NFIA: variants seen among roughly 807,000 people sequenced by gnomAD.
The protein encoded by NFIA is nuclear factor 1 A-type.
In NFIA, 8 loss-of-function variants were observed where a neutral mutation model predicts 62.8. That is an observed-to-expected ratio of 0.13 (90% CI 0.07 to 0.23). NFIA has a LOEUF of 0.23. NFIA is among the 10% of genes least tolerant of loss of function. The pLI, the probability that NFIA is intolerant of heterozygous loss-of-function variation, is 1.00. For synonymous variants in NFIA, 235 were observed against 238.1 expected (o/e 0.99, Z 0.12); for missense variants, 410 against 642.1 (o/e 0.64, Z 3.91).
rs573845676 is a variant in NFIA, at chr1:61,128,380, G to A, written c.559+39700G>A. 2.0e-5 allele frequency among the ~76,000 whole-genome samples: 3 copies of A among 152,242 alleles called. No individual in the cohort carries two copies. In the South Asian group the frequency reaches 6.2e-4, roughly 32 times the overall value. ...TAATCCCAGAACTTTGGGAGCCGAGGCGGGTGGATCACTTGAGCCCAGGAG... is the reference window on the plus strand; with the variant it reads ...TAATCCCAGAACTTTGGGAGCCGAGACGGGTGGATCACTTGAGCCCAGGAG... On this transcript the variant is annotated intron_variant, in intron 2 of 10. Coordinates refer to ENST00000403491, the MANE Select transcript of NFIA (RefSeq NM_001134673.4).
chr1:61,254,436 C>G (rs1290780348), intron 2 of NFIA, among the ~76,000 whole-genome samples: 1 of 152,142 alleles, frequency 6.6e-6, no homozygotes, highest in African/African-American at 2.4e-5. Context: ...TGACACAACT[C>G]TAGAAGCATG....
intron 2 of NFIA, among the ~76,000 whole-genome samples, chr1:61,273,081 G>A (rs1657610626): frequency 6.6e-6 from 1 of 152,154 alleles, no homozygotes; most frequent in Non-Finnish European, 1.5e-5. Context: ...GATGGACCAG[G>A]AATGACATCG....
chr1:61,257,736 C>T (rs1656503870), intron 2 of NFIA, among the ~76,000 whole-genome samples: 1 of 152,028 alleles, frequency 6.6e-6, no homozygotes, highest in Admixed American at 6.6e-5. Flanking sequence ...AAACCAGGGT[C>T]TCACTCTGTT....
chr1:61,323,500 T>A (rs1660781535), intron 3 of NFIA, among the ~76,000 whole-genome samples: 1 of 152,238 alleles, frequency 6.6e-6, no homozygotes, highest in South Asian at 2.1e-4. Flanking sequence ...CTTTTTTAGA[T>A]ATCTGAATTT....
intron 3 of NFIA, among the ~76,000 whole-genome samples, chr1:61,284,838 GA>G (rs2100293396): frequency 6.6e-6 from 1 of 151,630 alleles, no homozygotes; most frequent in East Asian, 1.9e-4. Flanking sequence ...CAGGAAAGAA[GA>G]AAAAAAGGGA....
At chr1:61,232,122 AAACAG>A (rs1204781737) in intron 2 of NFIA, among the ~76,000 whole-genome samples, 2 of 152,108 alleles carry the variant, frequency 1.3e-5, no homozygotes, top group Non-Finnish European at 1.5e-5. Flanking sequence ...CACAAAGATT[AAACAG>A]AACAGAACAG....
chr1:61,379,402 C>CTTTTTTTT (rs60735193), intron 6 of NFIA, among the ~76,000 whole-genome samples: 14 of 98,264 alleles, frequency 1.4e-4, no homozygotes, highest in Middle Eastern at 6.9e-3. Flanking sequence ...TTTTCTTTTT[C>CTTTTTTTT]TTTTTTTTTT....
intron 2 of NFIA, among the ~76,000 whole-genome samples, chr1:61,164,446 T>C (rs574371795): frequency 2.0e-5 from 3 of 151,996 alleles, no homozygotes; most frequent in East Asian, 1.9e-4. Context: ...TTTGTTGTTA[T>C]GTGTTTTTTT....
intron 2 of NFIA, chr1:61,251,250 A>G (rs2100211675): frequency 6.6e-6 from 1 of 152,184 alleles, no homozygotes; most frequent in South Asian, 2.1e-4. Flanking sequence ...TGGAAAGGGA[A>G]CTCCGTGATC....
chr1:61,429,230 A>G (rs2207791), intron 10 of NFIA, among the ~76,000 whole-genome samples: 65,296 of 152,060 alleles, frequency 0.43, 14,782 homozygotes, highest in South Asian at 0.59. Context: ...GGCATTTTCT[A>G]TGTACTAAAT....
chr1:61,303,592 G>C (rs1208378993), intron 3 of NFIA, among the ~76,000 whole-genome samples: 2 of 152,208 alleles, frequency 1.3e-5, no homozygotes, highest in Admixed American at 6.5e-5. Context: ...AAGACAGCAA[G>C]GTGAGCAGGA....
intron 9 of NFIA, among the ~76,000 whole-genome samples, chr1:61,407,300 G>T (rs964083015): frequency 6.6e-6 from 1 of 152,126 alleles, no homozygotes; most frequent in Non-Finnish European, 1.5e-5. Flanking sequence ...GGTAGGGGCT[G>T]GGGTACGGAG....
At chr1:61,392,238 TC>T in intron 7 of NFIA, among the ~76,000 whole-genome samples, 1 of 150,280 alleles carries the variant, frequency 6.7e-6, no homozygotes, top group South Asian at 2.1e-4. Flanking sequence ...TTTGCAGAGG[TC>T]CTTTAAGTCC....
At chr1:61,236,157 TAAAA>T (rs796914311) in intron 2 of NFIA, among the ~76,000 whole-genome samples, 2 of 138,324 alleles carry the variant, frequency 1.4e-5, no homozygotes, top group African/African-American at 2.7e-5. Flanking sequence ...AAGTCCATCT[TAAAA>T]AAAAAAAAAA....
chr1:61,165,832 A>G (rs909064588), intron 2 of NFIA, among the ~76,000 whole-genome samples: 1 of 152,198 alleles, frequency 6.6e-6, no homozygotes, highest in African/African-American at 2.4e-5. Context: ...CCTACTGAGT[A>G]CCTAAAAGCA....
chr1:61,416,649 AT>A (rs1666360647), intron 9 of NFIA, among the ~76,000 whole-genome samples: 2 of 152,176 alleles, frequency 1.3e-5, no homozygotes, highest in African/African-American at 2.4e-5. Context: ...TGGTGTTTAA[AT>A]TTTTTAAATG....
At chr1:61,309,314 C>A (rs1659967213) in intron 3 of NFIA, among the ~76,000 whole-genome samples, 3 of 152,068 alleles carry the variant, frequency 2.0e-5, no homozygotes, top group Non-Finnish European at 4.4e-5. Context: ...TACTCGTTAT[C>A]TTTAATTTGG....
intron 2 of NFIA, among the ~76,000 whole-genome samples, chr1:61,159,680 C>CTT (rs11300026): frequency 0.028 from 2,363 of 85,818 alleles, 65 homozygotes; most frequent in East Asian, 0.082. Context: ...AATGTAGATG[C>CTT]TTTTTTTTTT....
chr1:61,166,384 T>C (rs1364582058), intron 2 of NFIA, among the ~76,000 whole-genome samples: 2 of 152,140 alleles, frequency 1.3e-5, no homozygotes, highest in Non-Finnish European at 2.9e-5. Context: ...CATTTTGGAG[T>C]TGAGCTTTGA....
Sources: allele counts gnomAD v4.1 joint callset (sites outside exome capture counted in the v4.1 genomes callset), GRCh38; gene constraint gnomAD v4.1.1; transcripts MANE v1.5; gene names NCBI Gene and HGNC (gene_info 2026-07-23, HGNC 2026-07-21).